The following SEMA5A variants were observed in gnomAD, a reference collection of about 807,000 sequenced individuals.
SEMA5A encodes semaphorin 5A.
SEMA5A carries 55 observed loss-of-function variants against 135.5 expected under a neutral mutation model. The observed-to-expected ratio is 0.41, with a 90% CI of 0.33 to 0.51. The LOEUF is 0.51. SEMA5A is among the 20% of genes least tolerant of loss of function. The pLI is 0.37. For missense variants in SEMA5A, 1,290 were observed against 1,419.9 expected, an observed-to-expected ratio of 0.91 and a Z score of 1.47; for synonymous variants, 580 against 546.5, an observed-to-expected ratio of 1.06 and a Z score of -0.85.
At chr5:9,265,635 G>A in intron 5 of SEMA5A, 1 of 435,976 alleles carries the variant, frequency 2.3e-6, no homozygotes, top group Non-Finnish European at 4.7e-6. Flanking sequence ...CTAGGGCAAG[G>A]GATCCCTCCC....
chr5:9,337,831 T>G lies in SEMA5A; in HGVS notation c.125-19A>C, dbSNP rs770699702. The G allele has an allele frequency of 6.6e-6, 10 of 1,510,170 alleles. No individual in the cohort carries two copies. The South Asian group carries it at 1.2e-4, about 18-fold the overall frequency. The allele number at this position is 1,510,170 out of a possible 1,614,324, so 93.5% of individuals were successfully genotyped here. A position where few individuals can be genotyped will look rare whatever the true frequency, so the allele number is the denominator to read the frequency against. Reference sequence around the variant, plus strand: ...CCAATTTCTAAATAGAAAAAATAAATAAATAAAAAGATAAAAATGAATTAT... The same window carrying G: ...CCAATTTCTAAATAGAAAAAATAAAGAAATAAAAAGATAAAAATGAATTAT... On this transcript the variant is annotated intron_variant, in intron 3 of 22. Transcript: ENST00000382496.
chr5:9,142,289 A>C (rs966857778), intron 12 of SEMA5A, among the ~76,000 whole-genome samples: 2 of 152,198 alleles, frequency 1.3e-5, no homozygotes, highest in Non-Finnish European at 1.5e-5. Flanking sequence ...AGGCGCCAGC[A>C]AGAACAGAAC....
intron 12 of SEMA5A, among the ~76,000 whole-genome samples, chr5:9,138,845 G>A (rs1028122413): frequency 2.6e-5 from 4 of 152,212 alleles, no homozygotes; most frequent in African/African-American, 7.2e-5. Flanking sequence ...TTATGAGTGA[G>A]AACATGCGAC....
intron 2 of SEMA5A, among the ~76,000 whole-genome samples, chr5:9,423,273 T>A (rs1297002870): frequency 3.9e-5 from 6 of 152,232 alleles, no homozygotes; most frequent in African/African-American, 9.6e-5. Context: ...TGAGATATTT[T>A]GGATTACTTA....
chr5:9,161,144 A>C (rs1743231650), intron 11 of SEMA5A, among the ~76,000 whole-genome samples: 1 of 150,688 alleles, frequency 6.6e-6, no homozygotes, highest in African/African-American at 2.5e-5. Context: ...TTTTTTTTTT[A>C]ATGGGAGTTT....
chr5:9,224,977 G>C, intron 7 of SEMA5A, 90 bp from the exon 8 acceptor site: 1 of 1,228,668 alleles, frequency 8.1e-7, no homozygotes, highest in Non-Finnish European at 1.1e-6. Flanking sequence ...TCACAGTGAC[G>C]CTTGTGCAAC....
chr5:9,075,113 A>G (rs1737976171), intron 16 of SEMA5A, among the ~76,000 whole-genome samples: 1 of 152,228 alleles, frequency 6.6e-6, no homozygotes, highest in Non-Finnish European at 1.5e-5. Flanking sequence ...TGTGAAAACA[A>G]TATTATAACC....
At chr5:9,145,041 TC>T (rs1237883265) in intron 12 of SEMA5A, among the ~76,000 whole-genome samples, 4 of 152,008 alleles carry the variant, frequency 2.6e-5, no homozygotes, top group Admixed American at 2.6e-4. Context: ...TTTTTTTCCT[TC>T]TCTTTCTTGT....
At position 9,122,773 on chromosome 5, in the gene SEMA5A, G is replaced by A. The variant is rs542672950; in HGVS notation, c.1664C>T (p.Thr555Ile). The change falls in exon 14 of 23, where the codon ACA becomes ATA. Residue 555 changes from threonine (T) to isoleucine (I), a missense_variant. Thr to Ile is a moderately conservative substitution (Grantham distance 89). Coordinates refer to ENST00000382496, the MANE Select transcript of SEMA5A (RefSeq NM_003966.3). ...VWSPWTPCTH[T>I]DGSAVGSCLC... ...GCAGGATCCCACGGCGCTGCCATCT[G>A]TGTGCGTGCAAGGCGTCCACGGAGA... 46 of 1,613,162 alleles carry A rather than the reference G, an allele frequency of 2.9e-5. 1 individual carries two copies. In the East Asian group the frequency reaches 1.0e-3, roughly 36 times the overall value.
At chr5:9,123,930 C>T (rs554800956) in intron 13 of SEMA5A, among the ~76,000 whole-genome samples, 20 of 152,194 alleles carry the variant, frequency 1.3e-4, no homozygotes, top group African/African-American at 4.6e-4. Context: ...AACATGCTCA[C>T]AAGGTCTGGG....
At chr5:9,050,774 A>G (rs774031613) in intron 20 of SEMA5A, among the ~76,000 whole-genome samples, 1 of 152,164 alleles carries the variant, frequency 6.6e-6, no homozygotes, top group Non-Finnish European at 1.5e-5. Context: ...GGATCCCCCC[A>G]CTCTGCCCAA....
chr5:9,343,399 G>T (rs761485616), intron 3 of SEMA5A, among the ~76,000 whole-genome samples: 1 of 152,098 alleles, frequency 6.6e-6, no homozygotes, highest in African/African-American at 2.4e-5. Flanking sequence ...ACAAGGTACT[G>T]TCCTGAAAAT....
intron 12 of SEMA5A, among the ~76,000 whole-genome samples, chr5:9,138,590 A>G (rs1741891638): frequency 6.6e-6 from 1 of 151,658 alleles, no homozygotes. Flanking sequence ...CTTTCATTTT[A>G]TTTTATTTAT....
intron 1 of SEMA5A, among the ~76,000 whole-genome samples, chr5:9,462,985 T>TAAA (rs11422018): frequency 7.9e-6 from 1 of 127,204 alleles, no homozygotes; most frequent in East Asian, 2.1e-4. Context: ...AAATAAAAGT[T>TAAA]AAAAAAAAAA....
At chr5:9,423,610 G>A (rs1252332352) in intron 2 of SEMA5A, among the ~76,000 whole-genome samples, 2 of 152,200 alleles carry the variant, frequency 1.3e-5, no homozygotes, top group Non-Finnish European at 2.9e-5. Context: ...TAGGCCAAAT[G>A]TATTTCTCTT....
intron 5 of SEMA5A, among the ~76,000 whole-genome samples, chr5:9,295,427 A>C (rs921825221): frequency 7.2e-5 from 11 of 152,188 alleles, no homozygotes; most frequent in Non-Finnish European, 1.3e-4. Context: ...AAGTGAACAA[A>C]GAGAAAGATG....
intron 18 of SEMA5A, among the ~76,000 whole-genome samples, chr5:9,062,577 C>A (rs1464555408): frequency 6.6e-6 from 1 of 152,114 alleles, no homozygotes. Context: ...GAAATCCTCC[C>A]AACTCAGCCT....
intron 1 of SEMA5A, among the ~76,000 whole-genome samples, chr5:9,520,468 T>C (rs1368635939): frequency 6.6e-6 from 1 of 151,966 alleles, no homozygotes; most frequent in African/African-American, 2.4e-5. Context: ...TCAGAGGGGC[T>C]TAGAAGGTGA....
chr5:9,315,488 T>C (rs981755124), intron 5 of SEMA5A, among the ~76,000 whole-genome samples: 2 of 152,204 alleles, frequency 1.3e-5, no homozygotes, highest in Non-Finnish European at 2.9e-5. Context: ...AGAAAAAATA[T>C]ATCTGCTGCA....
Sources: allele counts gnomAD v4.1 joint callset (sites outside exome capture counted in the v4.1 genomes callset), GRCh38; gene constraint gnomAD v4.1.1; transcripts MANE v1.5; gene names NCBI Gene and HGNC (gene_info 2026-07-23, HGNC 2026-07-21).